ATF1: variants seen among roughly 807,000 people sequenced by gnomAD.
ATF1 encodes activating transcription factor 1.
Under a neutral mutation model 34.7 loss-of-function variants are expected in ATF1, and 16 were observed. That is an observed-to-expected ratio of 0.46 (90% CI 0.31 to 0.70). ATF1 has a LOEUF of 0.70. ATF1 is among the 30% of genes least tolerant of loss of function. The probability of loss-of-function intolerance (pLI) is 0.05; values close to 1 mark genes in which losing one functional copy is unlikely to be tolerated. For missense variants in ATF1, 255 were observed against 321.6 expected, an observed-to-expected ratio of 0.79 and a Z score of 1.58; for synonymous variants, 105 against 113.1, an observed-to-expected ratio of 0.93 and a Z score of 0.46.
At chr12:50,819,319 G>C (rs982588964) in intron 6 of ATF1, among the ~76,000 whole-genome samples, 3 of 152,118 alleles carry the variant, frequency 2.0e-5, no homozygotes, top group African/African-American at 7.2e-5. Flanking sequence ...TGAGGTTCTA[G>C]AATAGGAAAA....
At chr12:50,788,226 A>G (rs761232262) in intron 2 of ATF1, 32 of 453,070 alleles carry the variant, frequency 7.1e-5, no homozygotes, top group Non-Finnish European at 1.2e-4. Flanking sequence ...TCTGTCACCC[A>G]GACTGGTGTG....
chr12:50,819,428 C>CTGT (rs1372176661), intron 6 of ATF1, among the ~76,000 whole-genome samples: 10 of 152,172 alleles, frequency 6.6e-5, no homozygotes, highest in African/African-American at 2.2e-4. Context: ...TGGGAATGTT[C>CTGT]TGTTGTCTTG....
chr12:50,790,735 A>G (rs1239030185), intron 2 of ATF1, among the ~76,000 whole-genome samples: 3 of 151,872 alleles, frequency 2.0e-5, no homozygotes, highest in East Asian at 2.0e-4. Flanking sequence ...AATTGTCACT[A>G]TGATTAGCCG....
intron 4 of ATF1, among the ~76,000 whole-genome samples, chr12:50,809,819 CTGTTTTGTTTTGTTTTGTTT>C (rs71443204): frequency 3.3e-5 from 5 of 150,982 alleles, no homozygotes; most frequent in Non-Finnish European, 5.9e-5. Context: ...ACATTAGATA[CTGTTTTGTTTTGTTTTGTTT>C]TGTTTTGTTT....
At chr12:50,765,506 T>C (rs894388850) in intron 1 of ATF1, among the ~76,000 whole-genome samples, 1 of 152,148 alleles carries the variant, frequency 6.6e-6, no homozygotes, top group Non-Finnish European at 1.5e-5. Context: ...TGCCAGTTTT[T>C]GTTTTGTTTT....
At chr12:50,790,831 T>C (rs1299414666) in intron 2 of ATF1, among the ~76,000 whole-genome samples, 2 of 152,042 alleles carry the variant, frequency 1.3e-5, no homozygotes, top group East Asian at 3.9e-4. Flanking sequence ...TCTTTCTTGG[T>C]TACTACATTT....
At chr12:50,801,449 A>G (rs1287185300) in intron 3 of ATF1, among the ~76,000 whole-genome samples, 1 of 152,260 alleles carries the variant, frequency 6.6e-6, no homozygotes, top group African/African-American at 2.4e-5. Flanking sequence ...CAGAATAAAC[A>G]GAAAGCAAAT....
At chr12:50,780,118 C>T (rs752560704) in intron 1 of ATF1, 22 bp from the exon 2 acceptor site, 8 of 1,525,976 alleles carry the variant, frequency 5.2e-6, no homozygotes, top group Admixed American at 3.4e-5. Flanking sequence ...TTAATTTTAA[C>T]GGACTTTTTT....
chr12:50,776,525 T>G (rs1940929421), intron 1 of ATF1, among the ~76,000 whole-genome samples: 1 of 149,536 alleles, frequency 6.7e-6, no homozygotes, highest in Non-Finnish European at 1.5e-5. Context: ...AGGAAAACAC[T>G]TGAGACTCTG....
chr12:50,809,700 G>T (rs372561744), intron 4 of ATF1, 111 bp downstream of exon 4: 1 of 1,169,778 alleles, frequency 8.5e-7, no homozygotes, highest in Non-Finnish European at 1.2e-6. Context: ...ATTATTAAAG[G>T]ATGTTTTCAG....
intron 6 of ATF1, 139 bp from the exon 7 acceptor site, chr12:50,819,496 T>C (rs1170619612): frequency 1.0e-6 from 1 of 978,386 alleles, no homozygotes; most frequent in Non-Finnish European, 1.5e-6. Context: ...AATTCTACAC[T>C]TAAGATCTAT....
intron 1 of ATF1, among the ~76,000 whole-genome samples, chr12:50,770,415 C>T (rs1469732223): frequency 1.3e-5 from 2 of 152,124 alleles, no homozygotes; most frequent in African/African-American, 4.8e-5. Context: ...CACTTTCTCA[C>T]CTGTCCAGGA....
At chr12:50,774,904 C>T (rs970579413) in intron 1 of ATF1, among the ~76,000 whole-genome samples, 38 of 151,724 alleles carry the variant, frequency 2.5e-4, no homozygotes, top group African/African-American at 8.0e-4. Flanking sequence ...CCCGCCACCA[C>T]GCCCAGCTAA....
At chr12:50,791,724 G>T (rs1366579754) in intron 2 of ATF1, among the ~76,000 whole-genome samples, 2 of 152,134 alleles carry the variant, frequency 1.3e-5, no homozygotes, top group East Asian at 3.9e-4. Flanking sequence ...TCCAGAGGAA[G>T]GCATGAGATC....
rs56040362 is a variant in ATF1, at chr12:50,785,284, TAC to T, written c.93+5100_93+5101del. Among the ~76,000 whole-genome samples the T allele has an allele frequency of 8.9e-3, 1,137 of 128,444 alleles. 9 individuals are homozygous for T. The highest frequency in any genetic ancestry group is 0.02 in the African/African-American group (673 of 33,182). 84.3% of individuals were successfully genotyped at this position (128,444 alleles called of 152,430 possible). On this transcript the variant is annotated intron_variant, in intron 2 of 6. Transcript: ENST00000262053. The stretch of plus-strand genomic sequence containing the variant: ...TCAAAAAAAAAATTATATATATACA[TAC>T]ACACACACACACACACACACACACA...
intron 6 of ATF1, among the ~76,000 whole-genome samples, chr12:50,815,392 AT>A (rs764912430): frequency 1.8e-4 from 26 of 147,542 alleles, no homozygotes; most frequent in South Asian, 2.1e-4. Context: ...GGTTTTTGTG[AT>A]TTTTTTTTTT....
In ATF1 at chr12:50,814,018, G is replaced by T; in HGVS notation, c.337G>T (p.Ala113Ser). The change falls in exon 5 of 7, where the codon GCC becomes TCC. Residue 113 changes from alanine (A) to serine (S), a missense_variant. Physicochemically the swap from Ala to Ser is moderately conservative, Grantham distance 99. Around this residue, in one of 2 missense-constraint regions of ATF1, gnomAD observed 221 missense variants for 250.7 expected, o/e 0.88. Transcript: ENST00000262053. Reference protein sequence around the residue: ...QTSSGQYIAIAPNGALQLASP... With the variant: ...QTSSGQYIAISPNGALQLASP... ...TCTCTTTTTGATTAAAGTTGCCATTGCCCCAAATGGAGCCTTACAGTTGGC... is the reference window on the plus strand; with the variant it reads ...TCTCTTTTTGATTAAAGTTGCCATTTCCCCAAATGGAGCCTTACAGTTGGC... The T allele has an allele frequency of 6.2e-7, 1 of 1,611,256 alleles. No individual in the cohort carries two copies. Among genetic ancestry groups the T allele is most frequent in the Non-Finnish European group, 8.5e-7 (1 of 1,179,206 alleles).
At chr12:50,816,540 A>G (rs1941846512) in intron 6 of ATF1, among the ~76,000 whole-genome samples, 1 of 152,154 alleles carries the variant, frequency 6.6e-6, no homozygotes, top group African/African-American at 2.4e-5. Flanking sequence ...TACACATTAT[A>G]TACATGTAAC....
rs149276234 is a variant in ATF1, at chr12:50,793,834, C to T, written c.94-2075C>T. Among the ~76,000 whole-genome samples the T allele has an allele frequency of 6.6e-5, 10 of 152,146 alleles. No homozygotes were observed. The East Asian group carries it at 1.9e-3, about 29-fold the overall frequency. On this transcript the variant is annotated intron_variant, in intron 2 of 6. Coordinates refer to ENST00000262053, the MANE Select transcript of ATF1 (RefSeq NM_005171.5). ...GAAATAACATATAAAAGAAGCCTCT[C>T]TGGAAATTTCATGTCTAAATAGTTT...
Sources: allele counts gnomAD v4.1 joint callset (sites outside exome capture counted in the v4.1 genomes callset), GRCh38; gene constraint gnomAD v4.1.1; regional missense constraint gnomAD v4.1.1; transcripts MANE v1.5; gene names NCBI Gene and HGNC (gene_info 2026-07-23, HGNC 2026-07-21).